Variants in LINGO2 observed in about 807,000 individuals in gnomAD.
The protein encoded by LINGO2 is leucine-rich repeat and immunoglobulin-like domain-containing nogo receptor-interacting protein 2.
A neutral mutation model predicts 30.6 loss-of-function variants in LINGO2; 14 were observed. The ratio of observed to expected loss-of-function variants is 0.46; its 90% CI spans 0.30 to 0.72. The LOEUF is 0.72. LINGO2 is among the 30% of genes least tolerant of loss of function. The probability of loss-of-function intolerance (pLI) is 0.07; values close to 1 mark genes in which losing one functional copy is unlikely to be tolerated. For missense variants in LINGO2, 729 were observed against 751.7 expected, an observed-to-expected ratio of 0.97 and a Z score of 0.35; for synonymous variants, 317 against 288.5, an observed-to-expected ratio of 1.10 and a Z score of -1.00.
the LINGO2 span, among the ~76,000 whole-genome samples, chr9:29,193,519 G>C: frequency 2.5e-4 from 38 of 152,226 alleles, no homozygotes; most frequent in African/African-American, 9.2e-4. Flanking sequence ...AGATTTGTAT[G>C]CCTTTGAGGT....
At chr9:28,486,569 G>A (rs934987949) in intron 1 of LINGO2, among the ~76,000 whole-genome samples, 1 of 152,144 alleles carries the variant, frequency 6.6e-6, no homozygotes, top group African/African-American at 2.4e-5. Context: ...GTGCATGCAT[G>A]TATGTGGGTG....
rs1822164540 is a variant in LINGO2, at chr9:28,549,620, G to A, written c.-364-73595C>T. ...TGAACTATGTCCTTACCAATAATGG[G>A]TATTATCATGTGTAATATTTTAGTA... is the stretch of plus-strand genomic sequence containing the variant. On this transcript the variant is annotated intron_variant, in intron 1 of 5. Transcript: ENST00000379992. Among the ~76,000 whole-genome samples, 3 of 151,872 alleles carry A rather than the reference G, an allele frequency of 2.0e-5. No individual in the cohort carries two copies. The South Asian group carries it at 6.2e-4, about 32-fold the overall frequency.
intron 4 of LINGO2, among the ~76,000 whole-genome samples, chr9:28,045,951 A>T (rs1196685828): frequency 6.6e-6 from 1 of 152,118 alleles, no homozygotes; most frequent in African/African-American, 2.4e-5. Flanking sequence ...AACTATGATA[A>T]CTCAGGTTTC....
At chr9:28,190,885 T>C (rs368856430) in intron 4 of LINGO2, among the ~76,000 whole-genome samples, 13 of 152,204 alleles carry the variant, frequency 8.5e-5, no homozygotes, top group Non-Finnish European at 1.5e-4. Flanking sequence ...TAATGAATTA[T>C]GAGAATTTAA....
the LINGO2 span, among the ~76,000 whole-genome samples, chr9:28,759,888 G>T: frequency 6.6e-6 from 1 of 151,724 alleles, no homozygotes; most frequent in African/African-American, 2.4e-5. Context: ...GTAAAACATG[G>T]GTCAGACCCC....
the LINGO2 span, among the ~76,000 whole-genome samples, chr9:29,081,063 C>T: frequency 6.6e-6 from 1 of 152,064 alleles, no homozygotes; most frequent in Non-Finnish European, 1.5e-5. Context: ...GGAATCCTCC[C>T]TAACTCATTT....
At chr9:29,191,118 T>C in the LINGO2 span, among the ~76,000 whole-genome samples, 16 of 152,298 alleles carry the variant, frequency 1.1e-4, no homozygotes, top group Middle Eastern at 3.4e-3. Flanking sequence ...ATTGCAGATA[T>C]TCAAATGCCA....
the LINGO2 span, among the ~76,000 whole-genome samples, chr9:29,098,334 G>C: frequency 6.6e-6 from 1 of 152,064 alleles, no homozygotes; most frequent in African/African-American, 2.4e-5. Context: ...ATTATGAAAA[G>C]TGCTAAACAG....
chr9:27,987,482 A>G (rs1471577626), intron 5 of LINGO2, among the ~76,000 whole-genome samples: 2 of 151,860 alleles, frequency 1.3e-5, no homozygotes, highest in Admixed American at 6.6e-5. Context: ...TAGACTTTCA[A>G]TTCTAGCTTT....
chr9:28,313,109 T>A (rs1159139186), intron 3 of LINGO2, among the ~76,000 whole-genome samples: 2 of 152,040 alleles, frequency 1.3e-5, no homozygotes, highest in Non-Finnish European at 2.9e-5. Context: ...AAAAGTTTAA[T>A]CACTCATTTC....
intron 4 of LINGO2, among the ~76,000 whole-genome samples, chr9:28,154,499 C>G (rs931496298): frequency 1.3e-5 from 2 of 152,138 alleles, no homozygotes; most frequent in Non-Finnish European, 2.9e-5. Flanking sequence ...AGGCACAGGA[C>G]AGATTGCATA....
the LINGO2 span, among the ~76,000 whole-genome samples, chr9:29,072,377 C>T: frequency 1.3e-5 from 2 of 151,692 alleles, no homozygotes; most frequent in Non-Finnish European, 2.9e-5. Context: ...TGGGAATGTT[C>T]AAAAACTAGA....
chr9:28,117,609 C>T (rs1028829403), intron 4 of LINGO2, among the ~76,000 whole-genome samples: 2 of 116,222 alleles, frequency 1.7e-5, no homozygotes, highest in South Asian at 3.4e-4. Flanking sequence ...GATATAGTCT[C>T]GTGGTGCGCC....
At chr9:28,299,882 A>G (rs932149135) in intron 3 of LINGO2, among the ~76,000 whole-genome samples, 1 of 152,142 alleles carries the variant, frequency 6.6e-6, no homozygotes, top group Non-Finnish European at 1.5e-5. Context: ...ATTTAAACCC[A>G]TGATACTCCT....
intron 4 of LINGO2, among the ~76,000 whole-genome samples, chr9:28,131,280 A>G (rs962314757): frequency 6.6e-6 from 1 of 152,110 alleles, no homozygotes; most frequent in African/African-American, 2.4e-5. Context: ...AAGGCCTAGA[A>G]AAAGTATCCC....
the LINGO2 span, among the ~76,000 whole-genome samples, chr9:28,895,478 C>T: frequency 0.077 from 11,691 of 152,144 alleles, 478 homozygotes; most frequent in East Asian, 0.12. Flanking sequence ...CCCTCTCACT[C>T]GTATCACCTG....
the LINGO2 span, among the ~76,000 whole-genome samples, chr9:28,926,758 T>G: frequency 6.6e-6 from 1 of 152,348 alleles, no homozygotes; most frequent in Middle Eastern, 3.4e-3. Flanking sequence ...GTAATTTAGT[T>G]CACCTGCTTT....
At chr9:28,825,567 GGTTT>G in the LINGO2 span, among the ~76,000 whole-genome samples, 1 of 45,798 alleles carries the variant, frequency 2.2e-5, no homozygotes, top group African/African-American at 3.6e-5. Flanking sequence ...ATTTGTATCT[GGTTT>G]TTTTTTTTTA....
the LINGO2 span, among the ~76,000 whole-genome samples, chr9:28,884,811 T>C: frequency 2.1e-5 from 3 of 139,694 alleles, no homozygotes; most frequent in African/African-American, 8.3e-5. Context: ...TCTTTAGCAG[T>C]ATATATATAT....
Sources: gnomAD v4.1 joint callset for allele counts (sites outside exome capture counted in the v4.1 genomes callset) on GRCh38, gnomAD v4.1.1 for gene constraint, MANE v1.5 for transcripts, NCBI Gene and HGNC (gene_info 2026-07-23, HGNC 2026-07-21) for gene names.